Variants in RIMS2 observed in about 807,000 individuals in gnomAD.
RIMS2 encodes regulating synaptic membrane exocytosis 2, also known as regulating synaptic membrane exocytosis protein 2.
In RIMS2, 59 loss-of-function variants were observed where a neutral mutation model predicts 174.4. The observed-to-expected ratio is 0.34, with a 90% CI of 0.27 to 0.42. RIMS2 has a LOEUF of 0.42. Among genes scored for constraint, RIMS2 ranks in the 10% least tolerant of loss-of-function variants. RIMS2 has a pLI of 1.00. For missense variants in RIMS2, 1,620 were observed against 1,666.3 expected, an observed-to-expected ratio of 0.97 and a Z score of 0.48; for synonymous variants, 606 against 572.5, an observed-to-expected ratio of 1.06 and a Z score of -0.84.
intron 19 of RIMS2, among the ~76,000 whole-genome samples, chr8:104,222,632 A>G (rs997005758): frequency 2.0e-5 from 3 of 152,172 alleles, no homozygotes; most frequent in Non-Finnish European, 2.9e-5. Context: ...CGGGATAGAG[A>G]TGTGCAGTTT....
intron 1 of RIMS2, among the ~76,000 whole-genome samples, chr8:103,553,917 T>A (rs1327617628): frequency 6.6e-6 from 1 of 150,386 alleles, no homozygotes; most frequent in Admixed American, 6.7e-5. Flanking sequence ...AATCATCTAA[T>A]CTTCGACAAA....
intron 19 of RIMS2, among the ~76,000 whole-genome samples, chr8:104,155,409 CTTTT>C (rs10578958): frequency 3.7e-5 from 3 of 81,016 alleles, no homozygotes; most frequent in East Asian, 8.0e-4. Context: ...CCCGGCCTTG[CTTTT>C]TTTTTTTTTT....
intron 19 of RIMS2, among the ~76,000 whole-genome samples, chr8:104,050,296 A>G (rs917303687): frequency 6.6e-6 from 1 of 152,186 alleles, no homozygotes; most frequent in African/African-American, 2.4e-5. Context: ...AGTGACATAG[A>G]CATACAAGAT....
In RIMS2 at chr8:104,076,877, C is replaced by T. The variant is rs79334972; in HGVS notation, c.3334+62262C>T. The stretch of plus-strand genomic sequence containing the variant: ...TGTTGCTCAGGCTGGAGAGCAGTGG[C>T]GTGATCTCAGGTCACTGCAACCTCT... On this transcript the variant is annotated intron_variant, in intron 19 of 23. Coordinates refer to ENST00000504942, the Ensembl canonical transcript of RIMS2. Among the ~76,000 whole-genome samples the T allele has an allele frequency of 7.8e-3, 1,166 of 150,278 alleles. 17 individuals are homozygous for T. Among genetic ancestry groups the T allele is most frequent in the African/African-American group, 0.024 (983 of 40,752 alleles).
chr8:103,628,343 G>A (rs1004502862), intron 1 of RIMS2, among the ~76,000 whole-genome samples: 2 of 142,248 alleles, frequency 1.4e-5, no homozygotes, highest in African/African-American at 2.6e-5. Flanking sequence ...GTGAGTGGGA[G>A]TGAGATCCCT....
chr8:103,786,567 G>A (rs915359490), intron 3 of RIMS2, among the ~76,000 whole-genome samples: 1 of 152,176 alleles, frequency 6.6e-6, no homozygotes, highest in African/African-American at 2.4e-5. Context: ...CAGTTTTCAT[G>A]TAGTTGAGCG....
intron 19 of RIMS2, among the ~76,000 whole-genome samples, chr8:104,087,050 A>G (rs1236775318): frequency 6.6e-6 from 1 of 152,152 alleles, no homozygotes; most frequent in Non-Finnish European, 1.5e-5. Context: ...GCTAGTTGTT[A>G]AACATTTACT....
At chr8:103,609,280 G>A (rs1040876868) in intron 1 of RIMS2, among the ~76,000 whole-genome samples, 1 of 152,032 alleles carries the variant, frequency 6.6e-6, no homozygotes, top group Middle Eastern at 3.2e-3. Context: ...GTATAGTTTG[G>A]AAATATTTTC....
intron 15 of RIMS2, among the ~76,000 whole-genome samples, chr8:103,965,199 C>A (rs2091484185): frequency 6.6e-6 from 1 of 152,104 alleles, no homozygotes; most frequent in Non-Finnish European, 1.5e-5. Flanking sequence ...AATTGATATG[C>A]TGAGAAGTTG....
intron 19 of RIMS2, among the ~76,000 whole-genome samples, chr8:104,164,549 C>A (rs1183833731): frequency 6.6e-6 from 1 of 152,120 alleles, no homozygotes; most frequent in East Asian, 1.9e-4. Flanking sequence ...ATGAAATCAA[C>A]CCAAATGTCC....
chr8:103,544,082 T>C (rs1022042624), intron 1 of RIMS2, among the ~76,000 whole-genome samples: 2 of 152,174 alleles, frequency 1.3e-5, no homozygotes, highest in Non-Finnish European at 2.9e-5. Flanking sequence ...GGGGTTAATA[T>C]CCAGAATATA....
At chr8:104,086,519 C>G (rs2097540085) in intron 19 of RIMS2, among the ~76,000 whole-genome samples, 1 of 151,946 alleles carries the variant, frequency 6.6e-6, no homozygotes, top group South Asian at 2.1e-4. Flanking sequence ...ACATTGAGTT[C>G]CCACAAAGCC....
At chr8:103,613,906 T>C (rs912534251) in intron 1 of RIMS2, among the ~76,000 whole-genome samples, 12 of 152,200 alleles carry the variant, frequency 7.9e-5, no homozygotes, top group African/African-American at 2.9e-4. Flanking sequence ...TGAGTAGGTA[T>C]GTATTCAAGG....
rs1287317356 is a variant in RIMS2 at position 104,062,897 on chromosome 8, TTTAAA to T, written c.3334+48287_3334+48291del. Among the ~76,000 whole-genome samples the T allele has an allele frequency of 1.9e-4, 29 of 152,230 alleles. 1 individual carries two copies. The highest frequency in any genetic ancestry group is 7.0e-4 in the African/African-American group (29 of 41,584). On this transcript the variant is annotated intron_variant, in intron 19 of 23. Transcript: ENST00000504942. ...TATCAAAATTACTTTTTCTCAATGG[TTTAAA>T]TTAATTAACTTTAAAATTTTTTAAA...
intron 1 of RIMS2, among the ~76,000 whole-genome samples, chr8:103,580,338 A>C (rs1286646830): frequency 6.6e-6 from 1 of 151,954 alleles, no homozygotes; most frequent in Non-Finnish European, 1.5e-5. Flanking sequence ...AAGGGGTGGA[A>C]AAAGATATTT....
intron 16 of RIMS2, 77 bp from the exon 19 acceptor site, chr8:103,989,228 C>A: frequency 1.1e-6 from 1 of 872,832 alleles, no homozygotes; most frequent in Non-Finnish European, 1.9e-6. Flanking sequence ...TCTTTTTCTA[C>A]TGTGCTTTAA....
At chr8:103,984,884 A>G (rs774014440) in intron 16 of RIMS2, among the ~76,000 whole-genome samples, 20 of 152,220 alleles carry the variant, frequency 1.3e-4, no homozygotes, top group Non-Finnish European at 1.0e-4. Flanking sequence ...GTCACTTGTA[A>G]CAACATGGAT....
rs529465230 is a variant in RIMS2 at position 104,058,854 on chromosome 8, G to C, written c.3334+44239G>C. Among the ~76,000 whole-genome samples, 104 of 152,234 alleles carry C rather than the reference G, an allele frequency of 6.8e-4. 1 individual carries two copies. In the South Asian group the frequency reaches 0.02, roughly 29 times the overall value. On this transcript the variant is annotated intron_variant, in intron 19 of 23. Transcript: ENST00000504942. ...CTTTCCCCATTGCTTGTTTTTCTCA[G>C]GTTTGCCAAAGATCAGATATTTGTA... is the stretch of plus-strand genomic sequence containing the variant.
intron 19 of RIMS2, among the ~76,000 whole-genome samples, chr8:104,235,415 C>A (rs867884943): frequency 1.3e-5 from 2 of 152,118 alleles, no homozygotes; most frequent in Non-Finnish European, 2.9e-5. Context: ...CACTGCCATA[C>A]AATCTTCTTA....
Sources: allele counts gnomAD v4.1 joint callset (sites outside exome capture counted in the v4.1 genomes callset), GRCh38; gene constraint gnomAD v4.1.1; transcripts MANE v1.5; gene names NCBI Gene and HGNC (gene_info 2026-07-23, HGNC 2026-07-21).